WNT9B: variants seen among roughly 807,000 people sequenced by gnomAD.
WNT9B encodes protein Wnt-9b.
A neutral mutation model predicts 30.2 loss-of-function variants in WNT9B; 12 were observed. The observed-to-expected ratio is 0.40, with a 90% CI of 0.26 to 0.64. The LOEUF (loss-of-function observed/expected upper bound fraction) is 0.64, where lower values mean the gene tolerates loss of function less well. Among genes scored for constraint, WNT9B ranks in the 30% least tolerant of loss-of-function variants. The probability of loss-of-function intolerance (pLI) is 0.42; values close to 1 mark genes in which losing one functional copy is unlikely to be tolerated. For missense variants in WNT9B, 442 were observed against 485.2 expected, an observed-to-expected ratio of 0.91 and a Z score of 0.84; for synonymous variants, 218 against 216.9, an observed-to-expected ratio of 1.01 and a Z score of -0.05.
Position 46,877,500 on chromosome 17 carries a change from A to G in WNT9B, c.*782A>G, listed in dbSNP as rs904312882. ...GGTAAGACAGGTGGGAGAACTAGCC[A>G]CCAAGGCGGGACTCAGTGCACCTGA... On this transcript the variant is annotated 3_prime_UTR_variant, in exon 4 of 4. Coordinates refer to ENST00000290015, the MANE Select transcript of WNT9B (RefSeq NM_003396.3). Among the ~76,000 whole-genome samples, 1 of 152,170 alleles carries G rather than the reference A, an allele frequency of 6.6e-6. No individual in the cohort carries two copies. The highest frequency in any genetic ancestry group is 2.4e-5 in the African/African-American group (1 of 41,442).
At chr17:46,884,064 C>T (rs1427038188), downstream of WNT9B, among the ~76,000 whole-genome samples, 1 of 152,082 alleles carries the variant, frequency 6.6e-6, no homozygotes, top group East Asian at 1.9e-4. Flanking sequence ...CACGGGAGAA[C>T]CTGACCCAGC....
downstream of WNT9B, among the ~76,000 whole-genome samples, chr17:46,883,694 G>A (rs73987100): frequency 1.6e-3 from 247 of 152,308 alleles, no homozygotes; most frequent in African/African-American, 5.6e-3. Flanking sequence ...CTCTTCCCGG[G>A]GAGTGCTGGG....
intron 1 of WNT9B, among the ~76,000 whole-genome samples, chr17:46,871,102 G>C (rs1026322746): frequency 4.0e-5 from 6 of 151,670 alleles, no homozygotes; most frequent in African/African-American, 1.5e-4. Flanking sequence ...GTAGAGACAG[G>C]GTTTTGCTGT....
At chr17:46,871,455 T>C (rs1350265836) in intron 1 of WNT9B, among the ~76,000 whole-genome samples, 1 of 152,076 alleles carries the variant, frequency 6.6e-6, no homozygotes, top group Non-Finnish European at 1.5e-5. Flanking sequence ...TGCCCCCTCG[T>C]AAATCCTTTG....
At chr17:46,852,537 G>T (rs1438549347) in intron 1 of WNT9B, among the ~76,000 whole-genome samples, 1 of 150,862 alleles carries the variant, frequency 6.6e-6, no homozygotes, top group Non-Finnish European at 1.5e-5. Context: ...AACTATGTGG[G>T]GAATGTTTGG....
downstream of WNT9B, among the ~76,000 whole-genome samples, chr17:46,882,505 G>A (rs186939143): frequency 1.2e-3 from 180 of 151,748 alleles, no homozygotes; most frequent in African/African-American, 4.3e-3. Context: ...GTGCGATCTC[G>A]GCTCACAGCA....
intron 1 of WNT9B, among the ~76,000 whole-genome samples, chr17:46,866,972 C>T (rs187596232): frequency 6.6e-6 from 1 of 152,332 alleles, no homozygotes; most frequent in East Asian, 1.9e-4. Flanking sequence ...CTCTTGCCTC[C>T]TCCTCACCCC....
At chr17:46,844,939 C>T (rs1329510680) in intron 1 of WNT9B, among the ~76,000 whole-genome samples, 1 of 152,080 alleles carries the variant, frequency 6.6e-6, no homozygotes, top group Admixed American at 6.6e-5. Context: ...CCTCCGCCTC[C>T]CAGCTGCAAG....
intron 1 of WNT9B, among the ~76,000 whole-genome samples, chr17:46,834,087 C>T (rs980605703): frequency 6.6e-6 from 1 of 152,094 alleles, no homozygotes; most frequent in African/African-American, 2.4e-5. Context: ...CTCAGCTACT[C>T]GGGAGGCTGA....
At chr17:46,868,876 G>C (rs2085188622) in intron 1 of WNT9B, among the ~76,000 whole-genome samples, 5 of 152,220 alleles carry the variant, frequency 3.3e-5, no homozygotes, top group Admixed American at 3.3e-4. Context: ...TGGGGTCTAG[G>C]AAGATACCTT....
At chr17:46,848,094 C>T (rs7212221), upstream of WNT9B, among the ~76,000 whole-genome samples, 29,736 of 151,736 alleles carry the variant, frequency 0.2, 3,555 homozygotes, top group East Asian at 0.5. Context: ...TGTGGATATC[C>T]AAGAATGCTT....
At chr17:46,844,457 A>T (rs553475221) in intron 1 of WNT9B, among the ~76,000 whole-genome samples, 2 of 152,138 alleles carry the variant, frequency 1.3e-5, no homozygotes, top group Non-Finnish European at 2.9e-5. Flanking sequence ...CTATGGTCCA[A>T]CTGTCTACCA....
At chr17:46,857,286 T>G (rs2084953857) in intron 1 of WNT9B, among the ~76,000 whole-genome samples, 1 of 151,912 alleles carries the variant, frequency 6.6e-6, no homozygotes, top group Admixed American at 6.6e-5. Flanking sequence ...CTGGCCAACA[T>G]GGTGAAAACC....
In WNT9B at chr17:46,868,456, C is replaced by T. The variant is rs78802525; in HGVS notation, c.78-4061C>T. The stretch of plus-strand genomic sequence containing the variant: ...AAAATACACAAAAAAAATAGCTGGG[C>T]GTGGTGGCACGTGCCCATAATCCCA... On this transcript the variant is annotated intron_variant, in intron 1 of 3. Coordinates refer to ENST00000290015, the MANE Select transcript of WNT9B (RefSeq NM_003396.3). Among the ~76,000 whole-genome samples, 9 of 152,124 alleles carry T rather than the reference C, an allele frequency of 5.9e-5. No homozygotes were observed. The East Asian group carries it at 1.2e-3, about 20-fold the overall frequency.
chr17:46,885,112 CTGAG>C (rs1405916697), downstream of WNT9B: 1 of 424,558 alleles, frequency 2.4e-6, no homozygotes, highest in Non-Finnish European at 4.7e-6. Context: ...TCTCAGCTGC[CTGAG>C]TAACTGGGAT....
upstream of WNT9B, chr17:46,851,476 CG>C (rs1235755742): frequency 6.1e-6 from 2 of 328,450 alleles, no homozygotes; most frequent in African/African-American, 2.3e-5. The surrounding 1 kb of genome is among the most constrained non-coding windows in gnomAD (Gnocchi z 4.3). Context: ...GCCAATGGGG[CG>C]GGGGGCTCGC....
chr17:46,875,566 C>T (rs140590245), intron 3 of WNT9B, among the ~76,000 whole-genome samples, 200 bp downstream of exon 3: 8 of 152,310 alleles, frequency 5.3e-5, no homozygotes, highest in African/African-American at 1.7e-4. Flanking sequence ...AGGAACACAG[C>T]GGAAGCATGG....
At chr17:46,835,360 C>T (rs188462304) in intron 1 of WNT9B, among the ~76,000 whole-genome samples, 2 of 152,060 alleles carry the variant, frequency 1.3e-5, no homozygotes, top group Admixed American at 6.6e-5. Context: ...TACAGGCACC[C>T]GCCACCACGC....
Position 46,877,243 on chromosome 17 carries a change from C to T in WNT9B, c.*525C>T, listed in dbSNP as rs1205297435. On this transcript the variant is annotated 3_prime_UTR_variant, in exon 4 of 4. Transcript: ENST00000290015. ...CTCCAGGTGTCACACACCTCCACCA[C>T]TCCCCTGGTTTTGCTGTGCCAGAGA... 6.6e-6 allele frequency among the ~76,000 whole-genome samples: 1 copy of T among 152,226 alleles called. No individual in the cohort carries two copies. Among genetic ancestry groups the T allele is most frequent in the Admixed American group, 6.5e-5 (1 of 15,288 alleles).
Sources: allele counts gnomAD v4.1 joint callset (sites outside exome capture counted in the v4.1 genomes callset), GRCh38; gene constraint gnomAD v4.1.1; non-coding constraint Gnocchi (gnomAD v3.1); transcripts MANE v1.5; gene names NCBI Gene and HGNC (gene_info 2026-07-23, HGNC 2026-07-21).